The following TSHZ2 variants were observed in gnomAD, a reference collection of about 807,000 sequenced individuals.
TSHZ2 encodes the protein teashirt zinc finger homeobox 2.
In TSHZ2, 21 loss-of-function variants were observed where a neutral mutation model predicts 74.4. The ratio of observed to expected loss-of-function variants is 0.28; its 90% CI spans 0.20 to 0.41. The LOEUF is 0.41. Ranked by LOEUF, TSHZ2 falls within the 10% of genes least tolerant of loss-of-function variation. The pLI is 1.00. For synonymous variants in TSHZ2, 540 were observed against 515.3 expected (o/e 1.05, Z -0.65); for missense variants, 1,244 against 1,293.5 (o/e 0.96, Z 0.59).
At chr20:53,033,687 T>A (rs1327016195) in intron 1 of TSHZ2, among the ~76,000 whole-genome samples, 1 of 96,866 alleles carries the variant, frequency 1.0e-5, no homozygotes, top group African/African-American at 4.3e-5. Context: ...GGAGACAGGG[T>A]CTTGCTGTGT....
chr20:53,083,546 TA>T (rs1381607559), intron 1 of TSHZ2, among the ~76,000 whole-genome samples: 1 of 152,222 alleles, frequency 6.6e-6, no homozygotes, highest in Non-Finnish European at 1.5e-5. Flanking sequence ...GGTTACCTGA[TA>T]AAAAGAACAA....
chr20:53,335,839 T>C (rs1393853596), intron 2 of TSHZ2, among the ~76,000 whole-genome samples: 1 of 152,174 alleles, frequency 6.6e-6, no homozygotes, highest in Non-Finnish European at 1.5e-5. Flanking sequence ...ATCTTAGCTG[T>C]GAACTGCAGT....
intron 2 of TSHZ2, among the ~76,000 whole-genome samples, chr20:53,411,697 C>T (rs58088391): frequency 1.3e-5 from 2 of 152,088 alleles, no homozygotes; most frequent in African/African-American, 4.8e-5. Context: ...GGTAGGTTGG[C>T]ACGTGCATGT....
At chr20:53,480,418 T>C (rs1047028345) in intron 2 of TSHZ2, among the ~76,000 whole-genome samples, 2 of 151,722 alleles carry the variant, frequency 1.3e-5, no homozygotes, top group Non-Finnish European at 2.9e-5. Flanking sequence ...AATTTAAAAA[T>C]TAGCCTACTG....
At chr20:53,044,297 C>A (rs1381677470) in intron 1 of TSHZ2, among the ~76,000 whole-genome samples, 1 of 152,206 alleles carries the variant, frequency 6.6e-6, no homozygotes, top group Non-Finnish European at 1.5e-5. Flanking sequence ...ATTAGAGATG[C>A]ACAACCTGTG....
intron 1 of TSHZ2, among the ~76,000 whole-genome samples, chr20:53,246,396 C>T (rs1344617479): frequency 6.6e-6 from 1 of 152,186 alleles, no homozygotes. Context: ...CCCTCGGTGT[C>T]CTCCAGACAA....
At chr20:53,228,206 A>C (rs572642686) in intron 1 of TSHZ2, among the ~76,000 whole-genome samples, 14 of 152,024 alleles carry the variant, frequency 9.2e-5, no homozygotes, top group Non-Finnish European at 1.6e-4. Context: ...AGTTAGCCTC[A>C]GGACTCTGTG....
chr20:53,000,803 T>C (rs922062906), intron 1 of TSHZ2, among the ~76,000 whole-genome samples: 5 of 152,204 alleles, frequency 3.3e-5, no homozygotes, highest in Non-Finnish European at 7.3e-5. Context: ...TTCAGGACTT[T>C]TTGATCTCTT....
intron 1 of TSHZ2, among the ~76,000 whole-genome samples, chr20:53,129,693 A>C (rs923097443): frequency 4.0e-5 from 6 of 151,732 alleles, no homozygotes; most frequent in African/African-American, 2.4e-5. Flanking sequence ...ACACACAATG[A>C]ATGAAGGTCG....
chr20:53,033,002 G>A (rs1983692581), intron 1 of TSHZ2, among the ~76,000 whole-genome samples: 1 of 152,186 alleles, frequency 6.6e-6, no homozygotes, highest in Non-Finnish European at 1.5e-5. Context: ...AACAGTGCCT[G>A]ATATATAAGC....
chr20:53,392,791 G>C (rs1982307627), intron 2 of TSHZ2, among the ~76,000 whole-genome samples: 1 of 152,094 alleles, frequency 6.6e-6, no homozygotes, highest in Non-Finnish European at 1.5e-5. Context: ...TTGGTGTACA[G>C]ATAATTTTGT....
intron 2 of TSHZ2, among the ~76,000 whole-genome samples, chr20:53,262,505 CTATT>C (rs1990624471): frequency 1.3e-5 from 2 of 152,194 alleles, no homozygotes; most frequent in Non-Finnish European, 2.9e-5. Flanking sequence ...AAGCTATAAA[CTATT>C]TAGCCTCGGC....
intron 1 of TSHZ2, among the ~76,000 whole-genome samples, chr20:53,238,710 A>G (rs1989995226): frequency 6.6e-6 from 1 of 151,990 alleles, no homozygotes; most frequent in Admixed American, 6.6e-5. Flanking sequence ...GGTACCATGA[A>G]ATTAAACTCC....
rs1991233329 is a variant in TSHZ2 at position 53,289,195 on chromosome 20, T to A, written c.*8+32624T>A. ...ATTCAGTGGTGTATATATACCACAT[T>A]TTCTTTATCCACTCTTTGGTTGATG... On this transcript the variant is annotated intron_variant, in intron 2 of 2. Coordinates refer to ENST00000371497, the MANE Select transcript of TSHZ2 (RefSeq NM_173485.6). Among the ~76,000 whole-genome samples, 4 of 152,148 alleles carry A rather than the reference T, an allele frequency of 2.6e-5. No homozygotes were observed. In the South Asian group the frequency reaches 8.3e-4, roughly 32 times the overall value.
At position 53,325,012 on chromosome 20, in the gene TSHZ2, A is replaced by G. The variant is rs141429894; in HGVS notation, c.*8+68441A>G. 2.7e-3 allele frequency among the ~76,000 whole-genome samples: 414 copies of G among 152,366 alleles called. 3 individuals are homozygous for G. Among genetic ancestry groups the G allele is most frequent in the African/African-American group, 9.7e-3 (405 of 41,578 alleles). On this transcript the variant is annotated intron_variant, in intron 2 of 2. Transcript: ENST00000371497. Reference sequence around the variant, plus strand: ...ATGCATGAATCTGGCAGAATTCCTGAGGCCTAATTATCAGGGAAAAGACTT... The same window carrying G: ...ATGCATGAATCTGGCAGAATTCCTGGGGCCTAATTATCAGGGAAAAGACTT...
chr20:53,182,464 C>T (rs939783542), intron 1 of TSHZ2, among the ~76,000 whole-genome samples: 2 of 152,188 alleles, frequency 1.3e-5, no homozygotes, highest in Admixed American at 1.3e-4. Flanking sequence ...ATAGAGGTAA[C>T]GAGGTGGGCG....
At chr20:53,191,535 T>C (rs1011790601) in intron 1 of TSHZ2, among the ~76,000 whole-genome samples, 12 of 152,284 alleles carry the variant, frequency 7.9e-5, no homozygotes, top group South Asian at 2.1e-4. Context: ...TGGTGGCACG[T>C]GGCTGTAGTC....
chr20:53,424,298 G>A (rs1035370126), intron 2 of TSHZ2, among the ~76,000 whole-genome samples: 5 of 152,154 alleles, frequency 3.3e-5, no homozygotes, highest in African/African-American at 4.8e-5. Context: ...CCCAGCACTC[G>A]CTCCTCTTTC....
Position 53,074,284 on chromosome 20 carries a change from G to C in TSHZ2, c.40+100951G>C, listed in dbSNP as rs1842816196. On this transcript the variant is annotated intron_variant, in intron 1 of 2. Transcript: ENST00000371497. This position sits in a 1 kb window ranked among gnomAD's most constrained non-coding sequence, Gnocchi z 5.9. ...ATACCCTGTATTGTACTTGGAAATAGAAGTTACCACATTGCTGAAATTATG... is the reference window on the plus strand; with the variant it reads ...ATACCCTGTATTGTACTTGGAAATACAAGTTACCACATTGCTGAAATTATG... 6.6e-6 allele frequency among the ~76,000 whole-genome samples: 1 copy of C among 152,204 alleles called. No individual in the cohort carries two copies. Among genetic ancestry groups the C allele is most frequent in the Admixed American group, 6.5e-5 (1 of 15,284 alleles).
Sources: allele counts gnomAD v4.1 joint callset (sites outside exome capture counted in the v4.1 genomes callset), GRCh38; gene constraint gnomAD v4.1.1; non-coding constraint Gnocchi (gnomAD v3.1); transcripts MANE v1.5; gene names NCBI Gene and HGNC (gene_info 2026-07-23, HGNC 2026-07-21).